The following CEP170 variants were observed in gnomAD, a reference collection of about 807,000 sequenced individuals.
The protein encoded by CEP170 is centrosomal protein 170.
Under a neutral mutation model 151.9 loss-of-function variants are expected in CEP170, and 21 were observed. The observed-to-expected ratio is 0.14, with a 90% CI of 0.10 to 0.20. The LOEUF (loss-of-function observed/expected upper bound fraction) is 0.20. Among genes scored for constraint, CEP170 ranks in the 10% least tolerant of loss-of-function variants. The pLI is 1.00. For synonymous variants in CEP170, 356 were observed against 648.8 expected, an observed-to-expected ratio of 0.55 and a Z score of 6.86; for missense variants, 964 against 1,892.9, an observed-to-expected ratio of 0.51 and a Z score of 9.11.
At chr1:243,239,168 T>C (rs1436951051) in intron 1 of CEP170, among the ~76,000 whole-genome samples, 1 of 152,220 alleles carries the variant, frequency 6.6e-6, no homozygotes, top group Non-Finnish European at 1.5e-5. Context: ...CTCCTCAGAT[T>C]TAATTTTTAA....
chr1:243,162,958 G>A (rs141164139), intron 13 of CEP170, among the ~76,000 whole-genome samples: 6,732 of 152,156 alleles, frequency 0.044, 303 homozygotes, highest in African/African-American at 0.12. Flanking sequence ...TGAGGACTGG[G>A]GTAATAAGGA....
chr1:243,135,119 A>G (rs1469458984), intron 17 of CEP170, among the ~76,000 whole-genome samples: 1 of 152,164 alleles, frequency 6.6e-6, no homozygotes, highest in Non-Finnish European at 1.5e-5. Flanking sequence ...TGCAGAATAC[A>G]TTACTTTTAA....
chr1:243,221,498 C>T (rs766462326), intron 3 of CEP170: 22 of 483,650 alleles, frequency 4.5e-5, no homozygotes, highest in Admixed American at 3.2e-4. Context: ...CCATCACAGA[C>T]AATGACAACC....
At chr1:243,226,808 G>A (rs150685793) in intron 1 of CEP170, among the ~76,000 whole-genome samples, 1 of 152,088 alleles carries the variant, frequency 6.6e-6, no homozygotes, top group Non-Finnish European at 1.5e-5. Flanking sequence ...TGACCAACAC[G>A]GAGAAACCCC....
At chr1:243,161,315 A>G (rs1468292380) in intron 13 of CEP170, among the ~76,000 whole-genome samples, 1 of 152,028 alleles carries the variant, frequency 6.6e-6, no homozygotes, top group Non-Finnish European at 1.5e-5. Context: ...AAAAAAAAAA[A>G]AAGAAGCACT....
intron 1 of CEP170, among the ~76,000 whole-genome samples, chr1:243,253,950 T>C (rs1459675394): frequency 5.3e-5 from 8 of 152,238 alleles, no homozygotes; most frequent in Non-Finnish European, 1.2e-4. Context: ...GCCAGTTGTT[T>C]TGTTTGTTTT....
At chr1:243,148,171 ACT>A (rs1161438784) in intron 14 of CEP170, among the ~76,000 whole-genome samples, 2 of 151,792 alleles carry the variant, frequency 1.3e-5, no homozygotes, top group African/African-American at 2.4e-5. Context: ...AGAATGTGAG[ACT>A]CTGTCTCAAA....
At chr1:243,222,600 G>A (rs1258568537) in intron 2 of CEP170, among the ~76,000 whole-genome samples, 1 of 152,168 alleles carries the variant, frequency 6.6e-6, no homozygotes, top group East Asian at 1.9e-4. Flanking sequence ...GTATTACGGG[G>A]TTACTGTGTG....
Position 243,246,254 on chromosome 1 carries a change from CAG to C in CEP170, c.-42+8784_-42+8785del, listed in dbSNP as rs1416976397. ...TTTTTTTTTTTTTTTTTTTTTGAGA[CAG>C]AGTCTCGCTCTGCCACCCAGGCTGG... On this transcript the variant is annotated intron_variant, in intron 1 of 19. Coordinates refer to ENST00000366542, the MANE Select transcript of CEP170 (RefSeq NM_014812.3). Among the ~76,000 whole-genome samples the C allele has an allele frequency of 1.4e-4, 15 of 107,740 alleles. No homozygotes were observed. In the East Asian group the frequency reaches 4.1e-3, roughly 30 times the overall value. The allele number at this position is 107,740 out of a possible 152,430, so 70.7% of individuals were successfully genotyped here.
chr1:243,148,189 T>A (rs1210223920), intron 14 of CEP170, among the ~76,000 whole-genome samples: 1 of 149,646 alleles, frequency 6.7e-6, no homozygotes, highest in African/African-American at 2.5e-5. Context: ...TCAAAAAAAA[T>A]CCAACAAAAC....
chr1:243,247,414 C>A (rs915105784), intron 1 of CEP170, among the ~76,000 whole-genome samples: 1 of 152,158 alleles, frequency 6.6e-6, no homozygotes, highest in African/African-American at 2.4e-5. Flanking sequence ...AGTACAGTGA[C>A]GTGATCTTGG....
intron 1 of CEP170, among the ~76,000 whole-genome samples, chr1:243,244,569 C>T (rs1316744246): frequency 6.6e-6 from 1 of 151,918 alleles, no homozygotes; most frequent in Admixed American, 6.6e-5. Context: ...ACGGTGAAAC[C>T]CCATCTTTAC....
chr1:243,181,761 T>C (rs1447365589), intron 10 of CEP170, among the ~76,000 whole-genome samples: 1 of 152,196 alleles, frequency 6.6e-6, no homozygotes. Flanking sequence ...TTCTCTTTGC[T>C]CTGCTTTTTA....
rs1429996074 is a variant in CEP170 at position 243,126,582 on chromosome 1, G to A, written c.4622C>T (p.Ala1541Val). Residue 1541 changes from alanine (A) to valine (V), a missense_variant, in exon 20 of 20, where the codon GCT (alanine) becomes GTT (valine). Coordinates refer to ENST00000366542, the MANE Select transcript of CEP170 (RefSeq NM_014812.3). ...GQTPTLGQPE[A>V]RALHPAAVSA... ...AACAGCAGCAGGATGAAGAGCCCTA[G>A]CTTCTGGTTGGCCAAGTGTTGGTGT... is the stretch of plus-strand genomic sequence containing the variant. 1 of 1,574,724 alleles carries A rather than the reference G, an allele frequency of 6.4e-7. No homozygotes were observed. Among genetic ancestry groups the A allele is most frequent in the African/African-American group, 1.3e-5 (1 of 74,082 alleles).
At chr1:243,170,274 A>G (rs2058735911) in intron 11 of CEP170, among the ~76,000 whole-genome samples, 1 of 152,054 alleles carries the variant, frequency 6.6e-6, no homozygotes, top group South Asian at 2.1e-4. Context: ...AATCCCAGCT[A>G]CTTGGGAGGC....
chr1:243,224,695 ATC>A (rs376158408), intron 2 of CEP170, among the ~76,000 whole-genome samples: 295 of 152,282 alleles, frequency 1.9e-3, no homozygotes, highest in African/African-American at 6.8e-3. Flanking sequence ...CTTTTATACT[ATC>A]TGTGTGTATC....
chr1:243,199,640 A>C (rs1270580679), intron 6 of CEP170, among the ~76,000 whole-genome samples: 2 of 152,150 alleles, frequency 1.3e-5, no homozygotes, highest in African/African-American at 4.8e-5. Context: ...AGACAAAGCT[A>C]AAGTAAATTT....
intron 14 of CEP170, among the ~76,000 whole-genome samples, chr1:243,145,409 G>C (rs372454775): frequency 6.6e-6 from 1 of 152,290 alleles, no homozygotes. Context: ...CGAGTAGCCA[G>C]GATTACAGGC....
intron 7 of CEP170, among the ~76,000 whole-genome samples, chr1:243,198,772 G>C (rs999420448): frequency 1.3e-5 from 2 of 151,696 alleles, no homozygotes; most frequent in Non-Finnish European, 2.9e-5. Flanking sequence ...AAAATGCCTA[G>C]TTATATCATT....
Sources: gnomAD v4.1 joint callset for allele counts (sites outside exome capture counted in the v4.1 genomes callset) on GRCh38, gnomAD v4.1.1 for gene constraint, MANE v1.5 for transcripts, NCBI Gene and HGNC (gene_info 2026-07-23, HGNC 2026-07-21) for gene names.